Variants in ZNF451 observed in about 807,000 individuals in gnomAD.
ZNF451 encodes the protein zinc finger protein 451.
In ZNF451, 80 loss-of-function variants were observed where a neutral mutation model predicts 107.1. The observed-to-expected ratio is 0.75, with a 90% CI of 0.62 to 0.90. The LOEUF is 0.90. Among genes scored for constraint, ZNF451 ranks in the 40% least tolerant of loss-of-function variants. The probability of loss-of-function intolerance (pLI) is 0.00; values close to 1 mark genes in which losing one functional copy is unlikely to be tolerated. For synonymous variants in ZNF451, 362 were observed against 406.5 expected, an observed-to-expected ratio of 0.89 and a Z score of 1.32; for missense variants, 1,107 against 1,236.2, an observed-to-expected ratio of 0.90 and a Z score of 1.57.
At chr6:57,149,119 A>G (rs912861656) in intron 10 of ZNF451, among the ~76,000 whole-genome samples, 1 of 152,176 alleles carries the variant, frequency 6.6e-6, no homozygotes, top group African/African-American at 2.4e-5. Context: ...GACATTTTAA[A>G]GGTCATTTCA....
chr6:57,135,212 G>A (rs1367050064), intron 7 of ZNF451, among the ~76,000 whole-genome samples: 2 of 152,108 alleles, frequency 1.3e-5, no homozygotes, highest in African/African-American at 4.8e-5. Context: ...TTGTTGAAAT[G>A]TTGGCGCCAT....
intron 3 of ZNF451, among the ~76,000 whole-genome samples, chr6:57,117,386 G>A (rs1446384612): frequency 6.6e-6 from 1 of 151,106 alleles, no homozygotes; most frequent in African/African-American, 2.4e-5. Flanking sequence ...AATAAAATAT[G>A]TAGGCTACTA....
At chr6:57,123,428 A>G (rs888190069) in intron 3 of ZNF451, among the ~76,000 whole-genome samples, 3 of 152,216 alleles carry the variant, frequency 2.0e-5, no homozygotes, top group African/African-American at 7.2e-5. Flanking sequence ...CGAGTACCAT[A>G]TGTTCTCATT....
intron 10 of ZNF451, among the ~76,000 whole-genome samples, chr6:57,149,369 ATTTGTT>A (rs1170642208): frequency 1.3e-5 from 2 of 152,050 alleles, no homozygotes; most frequent in African/African-American, 4.8e-5. Context: ...TAGAAGTATA[ATTTGTT>A]TTTGTTTAGA....
chr6:57,101,743 G>A, intron 3 of ZNF451: 1 of 1,550,552 alleles, frequency 6.4e-7, no homozygotes, highest in Non-Finnish European at 8.7e-7. Context: ...GGACATAATG[G>A]ACTCTGTAGT....
In ZNF451 at chr6:57,147,311, A is replaced by G. The variant is rs1832115789; in HGVS notation, c.1226A>G (p.Lys409Arg). The change falls in exon 10 of 15, where the codon AAG becomes AGG. Residue 409 changes from lysine (K) to arginine (R), a missense_variant. By Grantham distance (26) the Lys-to-Arg change is conservative (BLOSUM62 2). Coordinates refer to ENST00000370706, the MANE Select transcript of ZNF451 (RefSeq NM_001031623.3). ...LLYCHSSEGNKDPSSDLHLLL... is the reference protein window; with the variant it reads ...LLYCHSSEGNRDPSSDLHLLL... ...TATTGCCACAGCAGCGAAGGGAACA[A>G]GGATCCTTCTTCTGACTTGCATTTA... 1 of 1,614,146 alleles carries G rather than the reference A, an allele frequency of 6.2e-7. No individual in the cohort carries two copies. Among genetic ancestry groups the G allele is most frequent in the Non-Finnish European group, 8.5e-7 (1 of 1,179,984 alleles).
At chr6:57,118,873 A>G (rs1830499507) in intron 3 of ZNF451, among the ~76,000 whole-genome samples, 3 of 152,176 alleles carry the variant, frequency 2.0e-5, no homozygotes, top group African/African-American at 4.8e-5. Context: ...GAGGACCTGC[A>G]TTGCCCTGTA....
intron 14 of ZNF451, among the ~76,000 whole-genome samples, chr6:57,166,717 C>T (rs949419666): frequency 1.3e-5 from 2 of 152,124 alleles, no homozygotes; most frequent in Non-Finnish European, 1.5e-5. Flanking sequence ...ATGTACTGTA[C>T]ATAATTGTAT....
chr6:57,134,766 CCAACAATTACA>C lies in ZNF451; in HGVS notation c.600_610del (p.Ile202TrpfsTer14). On this transcript the variant is annotated frameshift_variant, in exon 7 of 15. Coordinates refer to ENST00000370706, the MANE Select transcript of ZNF451 (RefSeq NM_001031623.3). LOFTEE classifies it high-confidence loss of function. The stretch of plus-strand genomic sequence containing the variant: ...TAGGTTCGATCACTCTCCATGTGAT[CCAACAATTACA>C]CTACATGGACCTTTCTTCAGCTCCT... 1 of 1,613,186 alleles carries C rather than the reference CCAACAATTACA, an allele frequency of 6.2e-7. No individual in the cohort carries two copies. Among genetic ancestry groups the C allele is most frequent in the Non-Finnish European group, 8.5e-7 (1 of 1,179,658 alleles).
chr6:57,150,479 A>C, intron 10 of ZNF451: 2 of 346,958 alleles, frequency 5.8e-6, no homozygotes, highest in Non-Finnish European at 1.0e-5. Flanking sequence ...TGTTGGAAGA[A>C]AATGTTTGCA....
chr6:57,124,326 G>A, intron 3 of ZNF451: 1 of 684,714 alleles, frequency 1.5e-6, no homozygotes, highest in Non-Finnish European at 2.6e-6. Context: ...TCCACGCTAA[G>A]CATCCATTAG....
At chr6:57,132,416 T>C (rs1831223198) in intron 5 of ZNF451, among the ~76,000 whole-genome samples, 1 of 151,954 alleles carries the variant, frequency 6.6e-6, no homozygotes, top group Non-Finnish European at 1.5e-5. Flanking sequence ...AAAGAGAAAA[T>C]AAGAATTAGA....
Position 57,153,945 on chromosome 6 carries a change from C to G in ZNF451, c.2968C>G (p.Gln990Glu). ...TCAAGGTTTTCTGGAGCTAGAGAAT[C>G]AATTTAAGAAGACTCAGAGGCCAGC... The part of the protein sequence containing the change: ...GDQGFLELEN[Q>E]FKKTQRPAHI... Residue 990 changes from glutamine to glutamate, a missense_variant, in exon 13 of 15, where the codon CAA (glutamine) becomes GAA (glutamate). Gln to Glu is a conservative substitution (Grantham distance 29). Transcript: ENST00000370706. 2.5e-6 allele frequency: 4 copies of G among 1,614,142 alleles called. No individual in the cohort carries two copies. The highest frequency in any genetic ancestry group is 3.4e-6 in the Non-Finnish European group (4 of 1,180,022).
chr6:57,101,040 T>C (rs977732629), intron 3 of ZNF451: 9 of 1,550,360 alleles, frequency 5.8e-6, no homozygotes, highest in Non-Finnish European at 7.8e-6. Flanking sequence ...TTAGATTTCA[T>C]CATTCTAGGC....
chr6:57,133,835 C>A (rs1011073610), intron 6 of ZNF451, among the ~76,000 whole-genome samples: 4 of 152,096 alleles, frequency 2.6e-5, no homozygotes, highest in Non-Finnish European at 5.9e-5. Context: ...GCCACCACAC[C>A]CAGCTAATTT....
intron 13 of ZNF451, chr6:57,158,716 T>A (rs1430071536): frequency 6.1e-6 from 6 of 985,298 alleles, no homozygotes; most frequent in Non-Finnish European, 6.0e-6. Context: ...CAGTATCTGC[T>A]CCCTTGAGAA....
At chr6:57,107,755 G>T in intron 3 of ZNF451, 1 of 985,188 alleles carries the variant, frequency 1.0e-6, no homozygotes, top group Non-Finnish European at 1.2e-6. Flanking sequence ...TAGGACTTTG[G>T]AGATCTCTCA....
chr6:57,166,271 G>A (rs964246903), intron 14 of ZNF451, among the ~76,000 whole-genome samples: 2 of 152,096 alleles, frequency 1.3e-5, no homozygotes, highest in African/African-American at 2.4e-5. Context: ...CAGGTGATCC[G>A]CCCACCTTGG....
At chr6:57,147,062 A>G in intron 9 of ZNF451, 28 bp from the exon 10 acceptor site, 2 of 1,549,320 alleles carry the variant, frequency 1.3e-6, no homozygotes, top group Middle Eastern at 1.7e-4. Flanking sequence ...CTTCTGAAAG[A>G]CTTTCTATTT....
Sources: allele counts gnomAD v4.1 joint callset (sites outside exome capture counted in the v4.1 genomes callset), GRCh38; gene constraint gnomAD v4.1.1; transcripts MANE v1.5; gene names NCBI Gene and HGNC (gene_info 2026-07-23, HGNC 2026-07-21).